STXBP5: variants seen among roughly 807,000 people sequenced by gnomAD.
STXBP5 encodes syntaxin-binding protein 5.
A neutral mutation model predicts 152.4 loss-of-function variants in STXBP5; 50 were observed. That is an observed-to-expected ratio of 0.33 (90% CI 0.26 to 0.42). The LOEUF (loss-of-function observed/expected upper bound fraction) is 0.42, where lower values mean the gene tolerates loss of function less well. Ranked by LOEUF, STXBP5 falls within the 10% of genes least tolerant of loss-of-function variation. STXBP5 has a pLI of 1.00. For missense variants in STXBP5, 1,167 were observed against 1,388.6 expected, an observed-to-expected ratio of 0.84 and a Z score of 2.54; for synonymous variants, 492 against 494.7, an observed-to-expected ratio of 0.99 and a Z score of 0.07.
intron 2 of STXBP5, among the ~76,000 whole-genome samples, chr6:147,215,077 G>A (rs1018078704): frequency 6.6e-6 from 1 of 152,162 alleles, no homozygotes; most frequent in African/African-American, 2.4e-5. Context: ...TCTCTGTGAC[G>A]GCTACTCAAC....
intron 8 of STXBP5, among the ~76,000 whole-genome samples, chr6:147,285,571 A>C (rs1323175886): frequency 6.6e-6 from 1 of 151,732 alleles, no homozygotes; most frequent in Non-Finnish European, 1.5e-5. Context: ...AAATGAAACT[A>C]CTCTATTAAC....
chr6:147,341,057 C>T (rs1274850899), intron 21 of STXBP5, among the ~76,000 whole-genome samples: 1 of 151,950 alleles, frequency 6.6e-6, no homozygotes, highest in East Asian at 1.9e-4. Flanking sequence ...TATCCTTTGG[C>T]TTTGTTTGAA....
intron 4 of STXBP5, among the ~76,000 whole-genome samples, chr6:147,253,677 A>G (rs1435160329): frequency 2.0e-5 from 3 of 152,236 alleles, no homozygotes; most frequent in African/African-American, 7.2e-5. Flanking sequence ...CCAAATCATA[A>G]GTGAACTCCC....
chr6:147,297,903 G>T (rs1195452249), intron 9 of STXBP5, among the ~76,000 whole-genome samples: 1 of 150,882 alleles, frequency 6.6e-6, no homozygotes, highest in Admixed American at 6.6e-5. Flanking sequence ...TAGTACCATA[G>T]AAAAACCATC....
rs569852025 is a variant in STXBP5 at position 147,389,245 on chromosome 6, A to C, written c.*4490A>C. The C allele has an allele frequency of 6.6e-6, 1 of 151,856 alleles. No homozygotes were observed. Among genetic ancestry groups the C allele is most frequent in the African/African-American group, 2.4e-5 (1 of 41,534 alleles). The allele number at this position is 151,856 out of a possible 1,614,324, so 9.4% of individuals were successfully genotyped here. ...TTAATGATTTTACTACTGCCTCCGA[A>C]GTTTTAAAAAAGGTTCTGTAGACAG... On this transcript the variant is annotated 3_prime_UTR_variant, in exon 28 of 28. Transcript: ENST00000321680.
intron 4 of STXBP5, 84 bp downstream of exon 4, chr6:147,239,354 A>G: frequency 8.8e-7 from 1 of 1,139,692 alleles, no homozygotes. Context: ...TTTGTGTGTG[A>G]TGGACCTTAT....
At chr6:147,368,049 C>T (rs1396512474) in intron 25 of STXBP5, among the ~76,000 whole-genome samples, 2 of 152,034 alleles carry the variant, frequency 1.3e-5, no homozygotes, top group African/African-American at 4.8e-5. Flanking sequence ...AACTTCCAGG[C>T]CTAGATGGCT....
chr6:147,363,306 C>T, intron 23 of STXBP5, 29 bp from the exon 24 acceptor site: 1 of 1,528,838 alleles, frequency 6.5e-7, no homozygotes, highest in East Asian at 2.3e-5. Context: ...TAAAATATTT[C>T]AGTTATTTAC....
intron 2 of STXBP5, among the ~76,000 whole-genome samples, chr6:147,214,559 A>G (rs536677350): frequency 1.1e-3 from 165 of 152,228 alleles, no homozygotes; most frequent in African/African-American, 2.9e-3. Context: ...TTAAAACCCA[A>G]TGTCTTTGTG....
chr6:147,299,688 A>G (rs1220404681), intron 9 of STXBP5, among the ~76,000 whole-genome samples: 3 of 152,092 alleles, frequency 2.0e-5, no homozygotes, highest in Non-Finnish European at 4.4e-5. Flanking sequence ...AAATTTTTTA[A>G]CAAAGTACTA....
intron 18 of STXBP5, chr6:147,328,619 G>T: frequency 2.4e-6 from 1 of 410,150 alleles, no homozygotes; most frequent in Non-Finnish European, 5.0e-6. Context: ...AATATCTTCA[G>T]CAGAGATTGT....
chr6:147,207,573 T>A (rs759980080), intron 2 of STXBP5, among the ~76,000 whole-genome samples: 1 of 152,160 alleles, frequency 6.6e-6, no homozygotes, highest in Non-Finnish European at 1.5e-5. Flanking sequence ...GGGAATGAAG[T>A]TATTTTGTCA....
At chr6:147,291,344 T>A (rs1267706699) in intron 9 of STXBP5, among the ~76,000 whole-genome samples, 172 bp downstream of exon 9, 1 of 152,174 alleles carries the variant, frequency 6.6e-6, no homozygotes, top group East Asian at 1.9e-4. Flanking sequence ...TAGGATAAAA[T>A]ACTTTTTTGT....
chr6:147,304,324 A>T lies in STXBP5; in HGVS notation c.918-5760A>T, dbSNP rs60153099. Among the ~76,000 whole-genome samples the T allele has an allele frequency of 1.7e-4, 26 of 152,336 alleles. 1 individual carries two copies. The East Asian group carries it at 5.0e-3, about 29-fold the overall frequency. ...ATTGCTTCAGAGGGTGCAAGCCCCA[A>T]GCCTTGGCAGCTTATATGTGGTGTT... On this transcript the variant is annotated intron_variant, in intron 9 of 27. Transcript: ENST00000321680.
chr6:147,242,621 C>A (rs947791931), intron 4 of STXBP5, among the ~76,000 whole-genome samples: 3 of 152,144 alleles, frequency 2.0e-5, no homozygotes, highest in African/African-American at 7.2e-5. Context: ...AGATACTTAA[C>A]CTTTGTGTTA....
At chr6:147,322,479 C>G (rs1782984149) in intron 16 of STXBP5, among the ~76,000 whole-genome samples, 1 of 152,204 alleles carries the variant, frequency 6.6e-6, no homozygotes. Flanking sequence ...TGTTTCCTAG[C>G]ATGTATGTCA....
intron 26 of STXBP5, among the ~76,000 whole-genome samples, chr6:147,380,988 G>A (rs1438969314): frequency 2.0e-5 from 3 of 152,144 alleles, no homozygotes; most frequent in Non-Finnish European, 2.9e-5. Flanking sequence ...GGAAGACCAA[G>A]GAGGAGCAAA....
intron 2 of STXBP5, among the ~76,000 whole-genome samples, chr6:147,217,561 A>T (rs1461240701): frequency 6.6e-6 from 1 of 152,240 alleles, no homozygotes; most frequent in Non-Finnish European, 1.5e-5. Flanking sequence ...CTTCAAAAAC[A>T]GTCCTAACTC....
At chr6:147,239,319 T>A in intron 4 of STXBP5, 49 bp downstream of exon 4, 1 of 1,516,546 alleles carries the variant, frequency 6.6e-7, no homozygotes, top group Non-Finnish European at 9.1e-7. Context: ...ACTATTATAT[T>A]TTCTTGAATT....
Sources: allele counts gnomAD v4.1 joint callset (sites outside exome capture counted in the v4.1 genomes callset), GRCh38; gene constraint gnomAD v4.1.1; transcripts MANE v1.5; gene names NCBI Gene and HGNC (gene_info 2026-07-23, HGNC 2026-07-21).